The following LRRC4C variants were observed in gnomAD, a reference collection of about 807,000 sequenced individuals.
The protein encoded by LRRC4C is leucine-rich repeat-containing protein 4C.
Under a neutral mutation model 33.6 loss-of-function variants are expected in LRRC4C, and 5 were observed. The ratio of observed to expected loss-of-function variants is 0.15; its 90% confidence interval spans 0.08 to 0.31. The LOEUF (loss-of-function observed/expected upper bound fraction) is 0.31. Ranked by LOEUF, LRRC4C falls within the 10% of genes least tolerant of loss-of-function variation. The probability of loss-of-function intolerance (pLI) is 1.00; values close to 1 mark genes in which losing one functional copy is unlikely to be tolerated. For synonymous variants in LRRC4C, 329 were observed against 302.0 expected (o/e 1.09, Z -0.93); for missense variants, 560 against 796.7 (o/e 0.70, Z 3.58).
intron 3 of LRRC4C, among the ~76,000 whole-genome samples, chr11:40,601,755 G>T (rs1412555198): frequency 2.0e-5 from 3 of 152,034 alleles, no homozygotes; most frequent in Admixed American, 6.6e-5. Flanking sequence ...AATTCATGCT[G>T]ATATTTTTCA....
intron 3 of LRRC4C, among the ~76,000 whole-genome samples, chr11:40,537,343 C>T (rs999322874): frequency 2.6e-5 from 4 of 152,132 alleles, no homozygotes; most frequent in African/African-American, 9.7e-5. Context: ...TTTTTATCCC[C>T]ACCGTAAAGA....
Position 40,630,373 on chromosome 11 carries a change from T to A in LRRC4C, c.-270+17769A>T, listed in dbSNP as rs1963373438. Among the ~76,000 whole-genome samples, 12 of 113,624 alleles carry A rather than the reference T, an allele frequency of 1.1e-4. No homozygotes were observed. The South Asian group carries it at 3.5e-3, about 33-fold the overall frequency. 74.5% of individuals were successfully genotyped at this position (113,624 alleles called of 152,430 possible). On this transcript the variant is annotated intron_variant, in intron 3 of 6. Transcript: ENST00000528697. ...TTCTTCTTCTTCTTCTTCTTCTTCTTCTTCTTCTTCTTCTTCTTTTCTTCC... is the reference window on the plus strand; with the variant it reads ...TTCTTCTTCTTCTTCTTCTTCTTCTACTTCTTCTTCTTCTTCTTTTCTTCC...
chr11:40,429,568 TA>T (rs59538764), intron 3 of LRRC4C, among the ~76,000 whole-genome samples: 41 of 147,772 alleles, frequency 2.8e-4, no homozygotes, highest in Middle Eastern at 7.1e-3. Flanking sequence ...GCAATAATAA[TA>T]AAAAAAAAAC....
At chr11:41,417,484 G>A (rs1245494138) in intron 1 of LRRC4C, among the ~76,000 whole-genome samples, 1 of 151,972 alleles carries the variant, frequency 6.6e-6, no homozygotes, top group Non-Finnish European at 1.5e-5. Context: ...AGTGACCCTT[G>A]AAAAAGCAAG....
chr11:41,102,404 G>A (rs1439422146), intron 1 of LRRC4C, among the ~76,000 whole-genome samples: 1 of 152,040 alleles, frequency 6.6e-6, no homozygotes, highest in African/African-American at 2.4e-5. Context: ...AGATTAAGTA[G>A]TTTCCACTGA....
chr11:40,588,118 G>A (rs1177325062), intron 3 of LRRC4C, among the ~76,000 whole-genome samples: 2 of 151,400 alleles, frequency 1.3e-5, no homozygotes, highest in South Asian at 2.1e-4. Context: ...GACTCTTTTT[G>A]GTTGGTAAGC....
chr11:40,737,567 C>G (rs1005053344), intron 2 of LRRC4C, among the ~76,000 whole-genome samples: 2 of 127,512 alleles, frequency 1.6e-5, no homozygotes, highest in African/African-American at 2.7e-5. Flanking sequence ...CATTCCTATA[C>G]ACCAATAATA....
chr11:41,165,800 T>C (rs1944695186), intron 1 of LRRC4C, among the ~76,000 whole-genome samples: 2 of 151,860 alleles, frequency 1.3e-5, no homozygotes, highest in African/African-American at 4.8e-5. Flanking sequence ...GAGGCCGAGG[T>C]GGGTGGACCA....
intron 5 of LRRC4C, among the ~76,000 whole-genome samples, chr11:40,150,870 A>G (rs925117042): frequency 2.6e-5 from 4 of 152,074 alleles, no homozygotes; most frequent in African/African-American, 9.7e-5. Context: ...GAAGATTAAG[A>G]ATTTGTTATG....
At chr11:40,581,069 T>C (rs534340257) in intron 3 of LRRC4C, among the ~76,000 whole-genome samples, 2,567 of 152,368 alleles carry the variant, frequency 0.017, 88 homozygotes, top group African/African-American at 0.058. Context: ...CTGGTCTTCT[T>C]GTTTTTATTC....
intron 3 of LRRC4C, among the ~76,000 whole-genome samples, chr11:40,563,996 G>A (rs1418056402): frequency 2.0e-5 from 3 of 152,142 alleles, no homozygotes; most frequent in Non-Finnish European, 2.9e-5. Context: ...TGCTAGGCCT[G>A]ATAAGTATGA....
At chr11:40,446,153 T>G (rs1192457315) in intron 3 of LRRC4C, 1 of 152,222 alleles carries the variant, frequency 6.6e-6, no homozygotes, top group Non-Finnish European at 1.5e-5. Context: ...CCCATATGAC[T>G]ATGATCATGT....
At chr11:40,751,227 T>G (rs763676125) in intron 2 of LRRC4C, among the ~76,000 whole-genome samples, 2 of 152,182 alleles carry the variant, frequency 1.3e-5, no homozygotes, top group Non-Finnish European at 2.9e-5. Context: ...ATGACCACTT[T>G]TACCACTCTG....
chr11:41,144,146 T>G (rs967326885), intron 1 of LRRC4C, among the ~76,000 whole-genome samples: 6 of 152,130 alleles, frequency 3.9e-5, no homozygotes, highest in Non-Finnish European at 7.4e-5. Flanking sequence ...TGAACAAAAG[T>G]GAATGAAACC....
intron 5 of LRRC4C, among the ~76,000 whole-genome samples, chr11:40,162,009 T>C (rs1042557213): frequency 7.9e-5 from 12 of 152,148 alleles, no homozygotes; most frequent in African/African-American, 2.9e-4. Flanking sequence ...AAAGATCAAG[T>C]TACCAGCAAG....
chr11:40,561,148 A>G (rs895146513), intron 3 of LRRC4C, among the ~76,000 whole-genome samples: 4 of 152,192 alleles, frequency 2.6e-5, no homozygotes, highest in African/African-American at 9.6e-5. Context: ...CGGGTTGCTC[A>G]GCACAATGCT....
At chr11:41,227,270 CAAT>C (rs1317482383) in intron 1 of LRRC4C, among the ~76,000 whole-genome samples, 1 of 151,616 alleles carries the variant, frequency 6.6e-6, no homozygotes, top group Non-Finnish European at 1.5e-5. Context: ...GGGAATATTG[CAAT>C]ATTATATACA....
intron 3 of LRRC4C, among the ~76,000 whole-genome samples, chr11:40,412,865 C>G (rs1402112759): frequency 6.6e-6 from 1 of 151,918 alleles, no homozygotes; most frequent in Non-Finnish European, 1.5e-5. Context: ...GAAGACTAGA[C>G]TATATAAAAT....
intron 4 of LRRC4C, among the ~76,000 whole-genome samples, chr11:40,295,841 C>G (rs1414163012): frequency 6.6e-6 from 1 of 152,160 alleles, no homozygotes; most frequent in Non-Finnish European, 1.5e-5. Context: ...TGATTCAAAA[C>G]ACTAGTGGGC....
Sources: gnomAD v4.1 joint callset for allele counts (sites outside exome capture counted in the v4.1 genomes callset) on GRCh38, gnomAD v4.1.1 for gene constraint, MANE v1.5 for transcripts, NCBI Gene and HGNC (gene_info 2026-07-23, HGNC 2026-07-21) for gene names.